ATP2B3: variants seen among roughly 807,000 people sequenced by gnomAD.
The protein encoded by ATP2B3 is plasma membrane calcium-transporting ATPase 3.
In ATP2B3, 12 loss-of-function variants were observed where a neutral mutation model predicts 70.8. That is an observed-to-expected ratio of 0.17 (90% CI 0.11 to 0.27). ATP2B3 has a LOEUF of 0.27. Among genes scored for constraint, ATP2B3 ranks in the 10% least tolerant of loss-of-function variants. The pLI is 1.00. For synonymous variants in ATP2B3, 460 were observed against 497.8 expected (o/e 0.92, Z 1.01); for missense variants, 858 against 1,118.5 (o/e 0.77, Z 3.32).
chrX:153,577,909 C>G (rs1325410539), intron 21 of ATP2B3, among the ~76,000 whole-genome samples: 2 of 111,880 alleles, frequency 1.8e-5, no homozygotes, highest in African/African-American at 6.5e-5. Flanking sequence ...CGTGGACCAC[C>G]AAACCTGGCC....
rs1557013543 is a variant in ATP2B3, at chrX:153,556,337, C to A, written c.2245C>A (p.Gln749Lys). 8.3e-7 allele frequency: 1 copy of A among 1,208,576 alleles called. No homozygotes were observed. The highest frequency in any genetic ancestry group is 1.7e-5 in the African/African-American group (1 of 57,800). ...TTGTGCTTCCCCTCCCCAGATAGAA[C>A]AGGAGCGGCTGGACAAGGTGTGGCC... ...RIRNEKGEIEQERLDKVWPKL... is the reference protein window; with the variant it reads ...RIRNEKGEIEKERLDKVWPKL... Residue 749 changes from glutamine (Q) to lysine (K), a missense_variant, in exon 15 of 22, where the codon CAG becomes AAG. Around this residue, in one of 5 missense-constraint regions of ATP2B3, gnomAD observed 242 missense variants for 281.3 expected, o/e 0.86. Coordinates refer to ENST00000263519, the MANE Select transcript of ATP2B3 (RefSeq NM_001001344.3).
At chrX:153,562,971 G>A (rs2090647606) in intron 20 of ATP2B3, among the ~76,000 whole-genome samples, 3 of 110,767 alleles carry the variant, frequency 2.7e-5, no homozygotes, top group Non-Finnish European at 3.8e-5. Context: ...AAGGTCTCTG[G>A]TGTTTCCTCT....
chrX:153,576,167 A>G (rs1466029160), intron 21 of ATP2B3, among the ~76,000 whole-genome samples: 2 of 111,673 alleles, frequency 1.8e-5, no homozygotes, highest in East Asian at 5.6e-4. Context: ...TTAGAGCCAG[A>G]TGGGGGACCA....
intron 16 of ATP2B3, among the ~76,000 whole-genome samples, chrX:153,557,897 G>A (rs1048692466): frequency 9.9e-6 from 1 of 101,386 alleles, no homozygotes; most frequent in Non-Finnish European, 2.1e-5. Context: ...CCCCCCCACC[G>A]TGACATGTGA....
At chrX:153,552,193 C>T (rs1329851673) in intron 12 of ATP2B3, among the ~76,000 whole-genome samples, 2 of 112,644 alleles carry the variant, frequency 1.8e-5, no homozygotes, top group African/African-American at 6.4e-5. Context: ...CCCAGCCCAG[C>T]TTCACTCCCC....
intron 13 of ATP2B3, 135 bp from the exon 14 acceptor site, chrX:153,555,914 C>T (rs2090527098): frequency 4.3e-6 from 3 of 695,350 alleles, no homozygotes; most frequent in Non-Finnish European, 4.5e-6. Flanking sequence ...GTTCTGAGCA[C>T]GTGAATCGGA....
intron 8 of ATP2B3, 126 bp downstream of exon 8, chrX:153,546,255 T>A: frequency 1.2e-6 from 1 of 841,919 alleles, no homozygotes; most frequent in South Asian, 2.3e-5. Context: ...ACCAGGTGAG[T>A]GGGCTGGCTG....
At position 153,549,622 on chromosome X, in the gene ATP2B3, C is replaced by A; in HGVS notation, c.1464C>A (p.Ser488=). The A allele has an allele frequency of 3.3e-6, 4 of 1,212,450 alleles. No homozygotes were observed. In the South Asian group the frequency reaches 7.0e-5, roughly 21 times the overall value. The part of the protein sequence containing the change: ...LTTNRMTVVQ[S]YLGDTHYKEI... ...CCAACCGTATGACCGTGGTCCAGTC[C>A]TACCTAGGAGACACCCACTACAAAG... Residue 488 remains serine, a synonymous_variant, in exon 11 of 22, where the codon TCC becomes TCA. Coordinates refer to ENST00000263519, the MANE Select transcript of ATP2B3 (RefSeq NM_001001344.3).
intron 21 of ATP2B3, chrX:153,569,350 C>A: frequency 1.8e-6 from 1 of 546,277 alleles, no homozygotes; most frequent in African/African-American, 2.2e-5. Flanking sequence ...TGACTTGTGA[C>A]CCCCTTCCCT....
intron 2 of ATP2B3, among the ~76,000 whole-genome samples, chrX:153,533,876 CAG>C (rs1405761308): frequency 1.7e-4 from 19 of 111,103 alleles, no homozygotes; most frequent in Non-Finnish European, 2.7e-4. Context: ...TGGGGGAGGA[CAG>C]AGCTGGCCTT....
At chrX:153,562,752 C>T (rs782249718) in intron 20 of ATP2B3, among the ~76,000 whole-genome samples, 5 of 112,296 alleles carry the variant, frequency 4.5e-5, no homozygotes, top group East Asian at 5.6e-4. Flanking sequence ...ATTTAGGATC[C>T]GCTTATCTCT....
At chrX:153,568,861 G>T (rs187957470) in intron 21 of ATP2B3, among the ~76,000 whole-genome samples, 71 of 112,559 alleles carry the variant, frequency 6.3e-4, no homozygotes, top group Non-Finnish European at 1.5e-4. Flanking sequence ...CTCCAGATGC[G>T]CACACTGGCT....
chrX:153,520,838 G>T (rs1326989850), intron 2 of ATP2B3, among the ~76,000 whole-genome samples: 6 of 112,514 alleles, frequency 5.3e-5, no homozygotes, highest in Non-Finnish European at 1.1e-4. Context: ...ACTGTCTCGG[G>T]TACTCCCAGC....
At chrX:153,560,564 C>T in intron 18 of ATP2B3, 112 bp from the exon 19 acceptor site, 2 of 874,457 alleles carry the variant, frequency 2.3e-6, no homozygotes, top group Non-Finnish European at 3.2e-6. Flanking sequence ...TGGAAGTGGC[C>T]ATCCCCTGGG....
In ATP2B3 at chrX:153,556,232, G is replaced by A. The variant is rs530048145; in HGVS notation, c.2238+4G>A. ...GATCCGCAATGAGAAAGGCGAGGTA[G>A]CACCCGGCTGTCTGCCACCCCAGAC... On this transcript the variant is annotated splice_donor_region_variant and intron_variant, in intron 14 of 21. Coordinates refer to ENST00000263519, the MANE Select transcript of ATP2B3 (RefSeq NM_001001344.3). 2.5e-6 allele frequency: 3 copies of A among 1,205,776 alleles called. No individual in the cohort carries two copies. In the East Asian group the frequency reaches 8.9e-5, roughly 36 times the overall value.
rs1185504371 is a variant in ATP2B3 at position 153,555,962 on chromosome X, T to G, written c.2059-87T>G. 11 of 1,097,784 alleles carry G rather than the reference T, an allele frequency of 1.0e-5. No homozygotes were observed. The Admixed American group carries it at 2.5e-4, about 25-fold the overall frequency. The allele number at this position is 1,097,784 out of a possible 1,213,427, so 90.5% of individuals were successfully genotyped here. ...CACCTCTGCTGGACCTTGGGCCACC[T>G]GCAGATCTGATGGAGGAAGGGGTAC... is the stretch of plus-strand genomic sequence containing the variant. On this transcript the variant is annotated intron_variant, in intron 13 of 21. Transcript: ENST00000263519.
At chrX:153,570,015 G>C in intron 21 of ATP2B3, 1 of 406,335 alleles carries the variant, frequency 2.5e-6, no homozygotes, top group East Asian at 4.0e-5. Context: ...TGTGTTTAGT[G>C]CTCCTTGTGC....
At chrX:153,572,691 G>A (rs1268587881) in intron 21 of ATP2B3, among the ~76,000 whole-genome samples, 1 of 111,406 alleles carries the variant, frequency 9.0e-6, no homozygotes, top group African/African-American at 3.3e-5. Flanking sequence ...CCCAGCTCCA[G>A]GCAGCCTCCA....
At chrX:153,548,057 G>A in intron 9 of ATP2B3, 58 bp downstream of exon 9, 1 of 1,149,028 alleles carries the variant, frequency 8.7e-7, no homozygotes, top group East Asian at 3.0e-5. Context: ...AGGATGCTGG[G>A]CTCCTGGAGA....
Sources: gnomAD v4.1 joint callset for allele counts (sites outside exome capture counted in the v4.1 genomes callset) on GRCh38, gnomAD v4.1.1 for gene constraint, gnomAD v4.1.1 regional missense constraint, MANE v1.5 for transcripts, NCBI Gene and HGNC (gene_info 2026-07-23, HGNC 2026-07-21) for gene names.